Variants in RXRA observed in about 807,000 individuals in gnomAD.
RXRA encodes retinoic acid receptor RXR-alpha.
RXRA carries 5 observed loss-of-function variants against 44.5 expected under a neutral mutation model. That is an observed-to-expected ratio of 0.11 (90% CI 0.06 to 0.24). RXRA has a LOEUF of 0.24. Among genes scored for constraint, RXRA ranks in the 10% least tolerant of loss-of-function variants. The pLI, the probability that RXRA is intolerant of heterozygous loss-of-function variation, is 1.00. For missense variants in RXRA, 412 were observed against 646.5 expected, an observed-to-expected ratio of 0.64 and a Z score of 3.93; for synonymous variants, 291 against 271.4, an observed-to-expected ratio of 1.07 and a Z score of -0.71.
chr9:134,377,716 T>G (rs1830579150), intron 1 of RXRA, among the ~76,000 whole-genome samples: 1 of 152,230 alleles, frequency 6.6e-6, no homozygotes, highest in Non-Finnish European at 1.5e-5. Flanking sequence ...GTAACATTTT[T>G]ATTCTGACTT....
rs998277599 is a variant in RXRA at position 134,417,484 on chromosome 9, C to T, written c.780+157C>T. ...GCTCGGCCTCTTACCTGAGGTGACC[C>T]CGTGGGCCCCTCGCCCCAGCTGGGC... On this transcript the variant is annotated intron_variant, in intron 5 of 9. Transcript: ENST00000481739. This position sits in a 1 kb window ranked among gnomAD's most constrained non-coding sequence, Gnocchi z 6.1. Among the ~76,000 whole-genome samples, 1 of 152,158 alleles carries T rather than the reference C, an allele frequency of 6.6e-6. No individual in the cohort carries two copies. Among genetic ancestry groups the T allele is most frequent in the Admixed American group, 6.5e-5 (1 of 15,284 alleles).
chr9:134,396,565 G>A lies in RXRA; in HGVS notation c.29-5067G>A, dbSNP rs886429709. Among the ~76,000 whole-genome samples the A allele has an allele frequency of 3.3e-5, 5 of 152,182 alleles. No individual in the cohort carries two copies. The East Asian group carries it at 7.7e-4, about 24-fold the overall frequency. On this transcript the variant is annotated intron_variant, in intron 1 of 9. Coordinates refer to ENST00000481739, the MANE Select transcript of RXRA (RefSeq NM_002957.6). ...GGGTTGCAGGGACGTTGCAGGGACC[G>A]GGAGCAGGCAGGCTCAGGACCAGCT...
At chr9:134,432,719 A>C (rs1011059667) in intron 8 of RXRA, among the ~76,000 whole-genome samples, 5 of 150,282 alleles carry the variant, frequency 3.3e-5, no homozygotes, top group Non-Finnish European at 7.4e-5. Context: ...ACCAGCAGGC[A>C]CCCCCGGCAC....
rs572046941 is a variant in RXRA at position 134,331,230 on chromosome 9, C to T, written c.28+4571C>T. Among the ~76,000 whole-genome samples the T allele has an allele frequency of 1.3e-3, 200 of 152,340 alleles. 1 individual carries two copies. The highest frequency in any genetic ancestry group is 4.4e-3 in the African/African-American group (185 of 41,574). ...CCGCGGTTTGCACACCCACCCGAGC[C>T]TGGTGCGAGATGTTCTGAGCAGTTG... is the stretch of plus-strand genomic sequence containing the variant. On this transcript the variant is annotated intron_variant, in intron 1 of 9. Transcript: ENST00000481739.
chr9:134,407,693 C>T lies in RXRA; in HGVS notation c.280-456C>T, dbSNP rs537562303. Among the ~76,000 whole-genome samples, 7 of 152,178 alleles carry T rather than the reference C, an allele frequency of 4.6e-5. No individual in the cohort carries two copies. In the South Asian group the frequency reaches 8.3e-4, roughly 18 times the overall value. Reference sequence around the variant, plus strand: ...CTTGGGGGGGTCCCCAGCCCTCCTCCGTCCTGGGAACTGGGCTTCGGCGTC... The same window carrying T: ...CTTGGGGGGGTCCCCAGCCCTCCTCTGTCCTGGGAACTGGGCTTCGGCGTC... On this transcript the variant is annotated intron_variant, in intron 2 of 9. Coordinates refer to ENST00000481739, the MANE Select transcript of RXRA (RefSeq NM_002957.6). This position sits in a 1 kb window ranked among gnomAD's most constrained non-coding sequence, Gnocchi z 4.8.
At chr9:134,341,810 CTGAGGTTGGAGTT>C (rs1830089757) in intron 1 of RXRA, among the ~76,000 whole-genome samples, 1 of 152,160 alleles carries the variant, frequency 6.6e-6, no homozygotes, top group South Asian at 2.1e-4. Context: ...GGGTCTTGGC[CTGAGGTTGGAGTT>C]TGGGAGGTAG....
intron 6 of RXRA, chr9:134,422,705 A>T (rs188191072): frequency 1.0e-6 from 1 of 984,596 alleles, no homozygotes; most frequent in Non-Finnish European, 1.2e-6. Flanking sequence ...GGGACCTCCT[A>T]TGTACTCTAT....
chr9:134,363,236 G>C (rs774846591), intron 1 of RXRA, among the ~76,000 whole-genome samples: 4 of 152,172 alleles, frequency 2.6e-5, no homozygotes, highest in Non-Finnish European at 5.9e-5. Context: ...TCATGGCCAC[G>C]GGCGAGGGGG....
chr9:134,384,353 C>T (rs898592764), intron 1 of RXRA, among the ~76,000 whole-genome samples: 1 of 152,268 alleles, frequency 6.6e-6, no homozygotes, highest in African/African-American at 2.4e-5. Flanking sequence ...TGGTTACCTG[C>T]TCCACATGGC....
chr9:134,348,068 G>C lies in RXRA; in HGVS notation c.28+21409G>C, dbSNP rs138380048. On this transcript the variant is annotated intron_variant, in intron 1 of 9. Transcript: ENST00000481739. ...GTTACAGCTGTGGCCAACAGGCCGGGAGAGAGGGCTTGGGGTGACCATGTG... is the reference window on the plus strand; with the variant it reads ...GTTACAGCTGTGGCCAACAGGCCGGCAGAGAGGGCTTGGGGTGACCATGTG... Among the ~76,000 whole-genome samples, 18 of 152,338 alleles carry C rather than the reference G, an allele frequency of 1.2e-4. No homozygotes were observed. In the East Asian group the frequency reaches 3.5e-3, roughly 29 times the overall value.
At chr9:134,427,160 TG>T in intron 6 of RXRA, 1 of 981,722 alleles carries the variant, frequency 1.0e-6, no homozygotes, top group Middle Eastern at 5.2e-4. Flanking sequence ...GATGTTTCAT[TG>T]GGCAAAAACA....
intron 4 of RXRA, among the ~76,000 whole-genome samples, chr9:134,414,400 G>A (rs1269814243): frequency 6.6e-6 from 1 of 152,244 alleles, no homozygotes; most frequent in Non-Finnish European, 1.5e-5. Flanking sequence ...TCCGGTGACA[G>A]CTCTGAGCAC....
rs147261879 is a variant in RXRA at position 134,380,958 on chromosome 9, C to T, written c.29-20674C>T. ...CAGCAGCTGAGGGTTCAGGGGGTGCCCCTCACTGTACTGGGGAAATGTGGC... is the reference window on the plus strand; with the variant it reads ...CAGCAGCTGAGGGTTCAGGGGGTGCTCCTCACTGTACTGGGGAAATGTGGC... On this transcript the variant is annotated intron_variant, in intron 1 of 9. Transcript: ENST00000481739. 2.4e-3 allele frequency among the ~76,000 whole-genome samples: 359 copies of T among 152,292 alleles called. 2 individuals carry two copies. The highest frequency in any genetic ancestry group is 8.2e-3 in the African/African-American group (342 of 41,556).
At chr9:134,363,419 C>G (rs1199988700) in intron 1 of RXRA, among the ~76,000 whole-genome samples, 2 of 152,244 alleles carry the variant, frequency 1.3e-5, no homozygotes, top group African/African-American at 2.4e-5. Context: ...AATTTCATAC[C>G]TCTCTGGTTT....
At chr9:134,354,983 G>A (rs1554749905) in intron 1 of RXRA, among the ~76,000 whole-genome samples, 1 of 152,232 alleles carries the variant, frequency 6.6e-6, no homozygotes. Context: ...GAGCAGAGGG[G>A]CTCTGGGAGA....
At chr9:134,358,928 A>G (rs185492837) in intron 1 of RXRA, among the ~76,000 whole-genome samples, 17 of 152,312 alleles carry the variant, frequency 1.1e-4, no homozygotes, top group African/African-American at 3.8e-4. Flanking sequence ...TCTGGGGCCA[A>G]CAGCCCCACG....
chr9:134,339,279 G>A (rs1322257190), intron 1 of RXRA, among the ~76,000 whole-genome samples: 2 of 152,260 alleles, frequency 1.3e-5, no homozygotes, highest in Non-Finnish European at 2.9e-5. Flanking sequence ...GCCTTCAGGG[G>A]CGCGTCGTCC....
At chr9:134,411,119 G>A (rs1303600061) in intron 4 of RXRA, among the ~76,000 whole-genome samples, 1 of 152,180 alleles carries the variant, frequency 6.6e-6, no homozygotes, top group Non-Finnish European at 1.5e-5. Context: ...TGAAGTCTGA[G>A]GCTGTCATCA....
intron 7 of RXRA, among the ~76,000 whole-genome samples, chr9:134,429,490 C>T (rs1393392517): frequency 6.6e-6 from 1 of 152,194 alleles, no homozygotes; most frequent in Non-Finnish European, 1.5e-5. Context: ...TTTCACGATC[C>T]CATGTATTTA....
Sources: gnomAD v4.1 joint callset for allele counts (sites outside exome capture counted in the v4.1 genomes callset) on GRCh38, gnomAD v4.1.1 for gene constraint, Gnocchi (gnomAD v3.1) non-coding constraint, MANE v1.5 for transcripts, NCBI Gene and HGNC (gene_info 2026-07-23, HGNC 2026-07-21) for gene names.